Variants in ASTN2 observed in about 807,000 individuals in gnomAD.
ASTN2 encodes astrotactin-2.
In ASTN2, 54 loss-of-function variants were observed where a neutral mutation model predicts 139.8. That is an observed-to-expected ratio of 0.39 (90% CI 0.31 to 0.48). The LOEUF (loss-of-function observed/expected upper bound fraction) is 0.48, where lower values mean the gene tolerates loss of function less well. Ranked by LOEUF, ASTN2 falls within the 20% of genes least tolerant of loss-of-function variation. The probability of loss-of-function intolerance (pLI) is 0.95; values close to 1 mark genes in which losing one functional copy is unlikely to be tolerated. For synonymous variants in ASTN2, 756 were observed against 719.5 expected (o/e 1.05, Z -0.81); for missense variants, 1,565 against 1,725.1 (o/e 0.91, Z 1.64).
intron 1 of ASTN2, among the ~76,000 whole-genome samples, chr9:117,403,345 G>C (rs184315886): frequency 1.4e-4 from 21 of 152,322 alleles, no homozygotes; most frequent in Admixed American, 1.3e-4. Flanking sequence ...TTGAATAAGT[G>C]TGCAGCCTCC....
chr9:116,917,323 T>A (rs901944709), intron 10 of ASTN2, among the ~76,000 whole-genome samples: 120 of 152,076 alleles, frequency 7.9e-4, no homozygotes, highest in African/African-American at 2.8e-3. Context: ...GTTTTTGAGT[T>A]AATGTCAGCC....
intron 1 of ASTN2, among the ~76,000 whole-genome samples, chr9:117,294,874 A>G (rs1834689729): frequency 6.7e-6 from 1 of 149,214 alleles, no homozygotes; most frequent in South Asian, 2.1e-4. Flanking sequence ...CCCAGAACCT[A>G]TGAGCTGTCT....
intron 1 of ASTN2, among the ~76,000 whole-genome samples, chr9:117,406,789 T>C (rs1449291205): frequency 6.6e-6 from 1 of 151,934 alleles, no homozygotes; most frequent in Non-Finnish European, 1.5e-5. Flanking sequence ...CCCTTTTCCA[T>C]AGAATTTTTC....
chr9:117,075,818 G>C (rs1224352437), intron 5 of ASTN2, among the ~76,000 whole-genome samples: 2 of 152,132 alleles, frequency 1.3e-5, no homozygotes, highest in East Asian at 3.9e-4. Flanking sequence ...CAGTCAAGTT[G>C]CTTTTCCTCT....
intron 3 of ASTN2, among the ~76,000 whole-genome samples, chr9:117,198,864 T>G (rs940876449): frequency 6.6e-6 from 1 of 152,242 alleles, no homozygotes; most frequent in Non-Finnish European, 1.5e-5. Flanking sequence ...ATTGTGGTTT[T>G]GATTTGCATT....
intron 3 of ASTN2, among the ~76,000 whole-genome samples, chr9:117,193,294 G>A (rs975464003): frequency 2.0e-5 from 3 of 152,232 alleles, no homozygotes; most frequent in Admixed American, 6.5e-5. Flanking sequence ...AGGCAACATG[G>A]AGAGGAAAGA....
intron 10 of ASTN2, among the ~76,000 whole-genome samples, chr9:116,932,762 T>C (rs1834938781): frequency 6.6e-6 from 1 of 151,986 alleles, no homozygotes; most frequent in South Asian, 2.1e-4. Context: ...TTCCAGCACT[T>C]TGAGAGGCCA....
intron 10 of ASTN2, among the ~76,000 whole-genome samples, chr9:116,953,276 A>G (rs1269402945): frequency 1.2e-4 from 19 of 152,252 alleles, no homozygotes; most frequent in Admixed American, 1.2e-3. Flanking sequence ...GCCCAAAGCC[A>G]CAAAGAGAGG....
intron 19 of ASTN2, among the ~76,000 whole-genome samples, chr9:116,513,183 T>C (rs901856664): frequency 6.6e-6 from 1 of 152,228 alleles, no homozygotes; most frequent in Non-Finnish European, 1.5e-5. Flanking sequence ...GGAGCTCTTG[T>C]AGGGCAGGCC....
intron 17 of ASTN2, among the ~76,000 whole-genome samples, chr9:116,647,612 A>G (rs1326398063): frequency 6.6e-6 from 1 of 152,172 alleles, no homozygotes; most frequent in Admixed American, 6.5e-5. Context: ...TGCCAAGAAC[A>G]CATTGCAAAA....
In ASTN2 at chr9:116,487,453, A is replaced by G; in HGVS notation, c.3403T>C (p.Ser1135Pro). 1 of 1,614,040 alleles carries G rather than the reference A, an allele frequency of 6.2e-7. No individual in the cohort carries two copies. Among genetic ancestry groups the G allele is most frequent in the Non-Finnish European group, 8.5e-7 (1 of 1,179,970 alleles). The change falls in exon 20 of 23, where the codon TCT becomes CCT. Residue 1135 changes from serine to proline, a missense_variant. Ser to Pro is a moderately conservative substitution (Grantham distance 74). This residue lies in a region of ASTN2 where 418 missense variants were observed against 465.8 expected (regional missense o/e 0.90). Transcript: ENST00000313400. ...TGGCTTCGACCAGCTGCTACACAAG[A>G]TGTGCCCAGGCCAGAGAGTAAGTCA... is the stretch of plus-strand genomic sequence containing the variant. ...ADDLLSGLGT[S>P]CVAAGRSHGE... is the part of the protein sequence containing the mutation.
intron 11 of ASTN2, among the ~76,000 whole-genome samples, chr9:116,827,358 A>C (rs989346696): frequency 6.6e-6 from 1 of 151,370 alleles, no homozygotes; most frequent in Non-Finnish European, 1.5e-5. Context: ...AGAACAAACC[A>C]CACCCAAAGT....
At chr9:116,620,909 C>T (rs920687054) in intron 17 of ASTN2, among the ~76,000 whole-genome samples, 3 of 152,174 alleles carry the variant, frequency 2.0e-5, no homozygotes, top group East Asian at 3.9e-4. Context: ...TGCTGCACTG[C>T]CTTTTATAGA....
At chr9:117,170,431 G>C (rs773948145) in intron 3 of ASTN2, among the ~76,000 whole-genome samples, 1 of 152,092 alleles carries the variant, frequency 6.6e-6, no homozygotes, top group Non-Finnish European at 1.5e-5. Context: ...GAAGGCACTA[G>C]GGATTCAATG....
intron 16 of ASTN2, chr9:116,697,934 C>A (rs1350802366): frequency 6.2e-7 from 1 of 1,614,236 alleles, no homozygotes; most frequent in East Asian, 2.2e-5. Context: ...GTCCCTTTTG[C>A]AGCAAGATTA....
At chr9:117,357,120 C>G (rs966744995) in intron 1 of ASTN2, among the ~76,000 whole-genome samples, 1 of 152,058 alleles carries the variant, frequency 6.6e-6, no homozygotes, top group African/African-American at 2.4e-5. Flanking sequence ...GCTGACTTAC[C>G]CATCAGGTAC....
At chr9:117,112,890 ACT>A (rs1181466154) in intron 4 of ASTN2, among the ~76,000 whole-genome samples, 5 of 152,180 alleles carry the variant, frequency 3.3e-5, no homozygotes, top group Admixed American at 2.6e-4. Context: ...GTTTATAAAG[ACT>A]CTTACAACAA....
At chr9:116,537,071 C>T (rs538861645) in intron 19 of ASTN2, among the ~76,000 whole-genome samples, 1 of 152,240 alleles carries the variant, frequency 6.6e-6, no homozygotes, top group African/African-American at 2.4e-5. Flanking sequence ...GCCCCTCCCC[C>T]AGCCTTGCTG....
intron 3 of ASTN2, among the ~76,000 whole-genome samples, chr9:117,163,311 A>G (rs1157337962): frequency 6.6e-6 from 1 of 152,090 alleles, no homozygotes; most frequent in Non-Finnish European, 1.5e-5. Flanking sequence ...TTGTACATTC[A>G]GTAAATGCTG....
Sources: gnomAD v4.1 joint callset for allele counts (sites outside exome capture counted in the v4.1 genomes callset) on GRCh38, gnomAD v4.1.1 for gene constraint, gnomAD v4.1.1 regional missense constraint, MANE v1.5 for transcripts, NCBI Gene and HGNC (gene_info 2026-07-23, HGNC 2026-07-21) for gene names.